Variants in CNTNAP2 observed in about 807,000 individuals in gnomAD.
CNTNAP2 encodes the protein contactin-associated protein-like 2.
In CNTNAP2, 98 loss-of-function variants were observed where a neutral mutation model predicts 155.2. That is an observed-to-expected ratio of 0.63 (90% CI 0.54 to 0.75). CNTNAP2 has a LOEUF of 0.75. Ranked by LOEUF, CNTNAP2 falls within the 30% of genes least tolerant of loss-of-function variation. CNTNAP2 has a pLI of 0.00. For missense variants in CNTNAP2, 1,727 were observed against 1,688.1 expected (o/e 1.02, Z -0.40); for synonymous variants, 651 against 631.2 (o/e 1.03, Z -0.47).
intron 2 of CNTNAP2, among the ~76,000 whole-genome samples, chr7:146,812,872 T>C (rs1189638275): frequency 3.3e-5 from 5 of 152,074 alleles, no homozygotes; most frequent in Non-Finnish European, 7.4e-5. Context: ...GATGGTGCCC[T>C]ATGTCTCAGC....
chr7:147,095,115 G>A (rs577131818), intron 4 of CNTNAP2, among the ~76,000 whole-genome samples: 4 of 151,820 alleles, frequency 2.6e-5, no homozygotes, highest in African/African-American at 4.8e-5. Flanking sequence ...CGTCTACCGG[G>A]TTCAAGCGAT....
chr7:148,210,686 C>T (rs1795531792), intron 18 of CNTNAP2, among the ~76,000 whole-genome samples: 1 of 152,134 alleles, frequency 6.6e-6, no homozygotes, highest in Non-Finnish European at 1.5e-5. Flanking sequence ...CTAGAAGTGA[C>T]CGGGCCTTTG....
intron 3 of CNTNAP2, among the ~76,000 whole-genome samples, chr7:147,029,120 C>T (rs1798979087): frequency 1.3e-5 from 2 of 151,894 alleles, no homozygotes; most frequent in South Asian, 2.1e-4. Flanking sequence ...CCCGCCACCA[C>T]GCCCAGCTAA....
intron 1 of CNTNAP2, among the ~76,000 whole-genome samples, chr7:146,324,671 T>TC (rs1355702113): frequency 2.6e-5 from 4 of 152,134 alleles, no homozygotes. Context: ...AAATATATAT[T>TC]CCCCTCTTTT....
chr7:147,669,639 C>T (rs1417068466), intron 13 of CNTNAP2, among the ~76,000 whole-genome samples: 3 of 152,148 alleles, frequency 2.0e-5, no homozygotes, highest in African/African-American at 7.2e-5. Context: ...AATTCACTTC[C>T]CAGCCAGCCA....
At chr7:147,016,308 G>A (rs1452895095) in intron 3 of CNTNAP2, among the ~76,000 whole-genome samples, 4 of 152,026 alleles carry the variant, frequency 2.6e-5, no homozygotes, top group African/African-American at 7.2e-5. Context: ...AGTTCAAGCC[G>A]GATGTGCTCC....
At chr7:147,595,263 G>T (rs141657167) in intron 12 of CNTNAP2, among the ~76,000 whole-genome samples, 2 of 152,188 alleles carry the variant, frequency 1.3e-5, no homozygotes, top group African/African-American at 4.8e-5. Flanking sequence ...TCCCTTCTTA[G>T]CTTTGTGACT....
intron 10 of CNTNAP2, among the ~76,000 whole-genome samples, chr7:147,422,514 G>A (rs1797312431): frequency 6.6e-6 from 1 of 151,822 alleles, no homozygotes; most frequent in South Asian, 2.1e-4. Flanking sequence ...ATTCCATAAT[G>A]AAGCAAATAA....
chr7:146,938,256 C>T (rs1563011667), intron 3 of CNTNAP2, among the ~76,000 whole-genome samples: 1 of 151,940 alleles, frequency 6.6e-6, no homozygotes, highest in South Asian at 2.1e-4. Context: ...TAACTTTCCC[C>T]TTGGCGTAAT....
intron 3 of CNTNAP2, among the ~76,000 whole-genome samples, chr7:146,995,258 T>C (rs1798285189): frequency 6.6e-6 from 1 of 152,100 alleles, no homozygotes; most frequent in Non-Finnish European, 1.5e-5. Flanking sequence ...TTAGGTTGAT[T>C]CCACATCTTG....
At chr7:146,542,927 G>A (rs1797972972) in intron 1 of CNTNAP2, among the ~76,000 whole-genome samples, 1 of 151,830 alleles carries the variant, frequency 6.6e-6, no homozygotes, top group South Asian at 2.1e-4. Context: ...GATGGGAGTT[G>A]GGGAGATGTT....
At chr7:147,420,730 G>T (rs1183471667) in intron 10 of CNTNAP2, among the ~76,000 whole-genome samples, 1 of 152,026 alleles carries the variant, frequency 6.6e-6, no homozygotes, top group Non-Finnish European at 1.5e-5. Flanking sequence ...ATATGGTGTA[G>T]GATTGACATT....
At chr7:147,565,188 A>C (rs1800145958) in intron 12 of CNTNAP2, among the ~76,000 whole-genome samples, 1 of 152,164 alleles carries the variant, frequency 6.6e-6, no homozygotes, top group African/African-American at 2.4e-5. Flanking sequence ...TGAAGAAGAG[A>C]AATGAGCCAT....
At chr7:147,799,786 C>T (rs1383225646) in intron 13 of CNTNAP2, among the ~76,000 whole-genome samples, 1 of 152,158 alleles carries the variant, frequency 6.6e-6, no homozygotes, top group Non-Finnish European at 1.5e-5. Context: ...TAGAGTGAGA[C>T]ACATTGCTAA....
intron 1 of CNTNAP2, among the ~76,000 whole-genome samples, chr7:146,712,337 A>AT (rs1801106787): frequency 5.5e-4 from 68 of 122,832 alleles, no homozygotes; most frequent in African/African-American, 2.0e-3. Context: ...TATACTATAT[A>AT]GTATACATAT....
chr7:147,589,273 G>A (rs1800694084), intron 12 of CNTNAP2, among the ~76,000 whole-genome samples: 1 of 152,134 alleles, frequency 6.6e-6, no homozygotes. Context: ...TGGTGAAAAT[G>A]TTTCCCCTAA....
Position 146,572,889 on chromosome 7 carries a change from A to G in CNTNAP2, c.98-201382A>G, listed in dbSNP as rs574094118. 3.9e-5 allele frequency among the ~76,000 whole-genome samples: 6 copies of G among 152,258 alleles called. No individual in the cohort carries two copies. In the East Asian group the frequency reaches 1.2e-3, roughly 30 times the overall value. On this transcript the variant is annotated intron_variant, in intron 1 of 23. Transcript: ENST00000361727. ...GGGTAAAATGAAAGTTGGAACAAGC[A>G]GAAAAAGAACTATGTATGGAAAAGA...
At chr7:147,324,825 C>G (rs1300278539) in intron 9 of CNTNAP2, among the ~76,000 whole-genome samples, 2 of 151,664 alleles carry the variant, frequency 1.3e-5, no homozygotes, top group African/African-American at 4.9e-5. Context: ...ATTTTCATTG[C>G]CAGTGAAGAC....
intron 10 of CNTNAP2, among the ~76,000 whole-genome samples, chr7:147,445,254 T>C (rs1207839969): frequency 6.6e-6 from 1 of 152,218 alleles, no homozygotes; most frequent in Non-Finnish European, 1.5e-5. Flanking sequence ...TTATAACAGA[T>C]GGTGGTGCTT....
Sources: allele counts gnomAD v4.1 joint callset (sites outside exome capture counted in the v4.1 genomes callset), GRCh38; gene constraint gnomAD v4.1.1; transcripts MANE v1.5; gene names NCBI Gene and HGNC (gene_info 2026-07-23, HGNC 2026-07-21).